SOX5: variants seen among roughly 807,000 people sequenced by gnomAD.
SOX5 encodes SRY-box transcription factor 5, also known as transcription factor SOX-5.
In SOX5, 9 loss-of-function variants were observed where a neutral mutation model predicts 92.0. The observed-to-expected ratio is 0.10, with a 90% confidence interval of 0.06 to 0.17. SOX5 has a LOEUF of 0.17. Among genes scored for constraint, SOX5 ranks in the 10% least tolerant of loss-of-function variants. The pLI, the probability that SOX5 is intolerant of heterozygous loss-of-function variation, is 1.00. For missense variants in SOX5, 642 were observed against 944.5 expected, an observed-to-expected ratio of 0.68 and a Z score of 4.20; for synonymous variants, 344 against 336.3, an observed-to-expected ratio of 1.02 and a Z score of -0.25.
intron 7 of SOX5, among the ~76,000 whole-genome samples, chr12:23,645,978 CAATAGA>C (rs1220513468): frequency 6.6e-6 from 1 of 152,042 alleles, no homozygotes; most frequent in African/African-American, 2.4e-5. Context: ...ATTAAGTGTG[CAATAGA>C]ATTATGTCTA....
intron 4 of SOX5, among the ~76,000 whole-genome samples, chr12:24,005,743 G>C (rs1238204134): frequency 6.6e-6 from 1 of 152,150 alleles, no homozygotes; most frequent in East Asian, 1.9e-4. Context: ...TTGAGTGAAT[G>C]AATGATGTCA....
chr12:24,097,364 TG>T (rs1238787847), intron 4 of SOX5, among the ~76,000 whole-genome samples: 1 of 152,048 alleles, frequency 6.6e-6, no homozygotes, highest in South Asian at 2.1e-4. Flanking sequence ...ATAAACATTT[TG>T]TTTTTTTATA....
chr12:23,850,973 T>A (rs1162052916), intron 2 of SOX5, among the ~76,000 whole-genome samples: 2 of 152,098 alleles, frequency 1.3e-5, no homozygotes, highest in African/African-American at 4.8e-5. Context: ...AACCATGGAT[T>A]CCAGGTTAAG....
rs1052685255 is a variant in SOX5, at chr12:23,529,561, G to A, written c.*4658C>T. ...TTGCATGGCAGTAATACTGAAAAAG[G>A]AGAATGCAAAAAAATAAAATAAAAT... On this transcript the variant is annotated 3_prime_UTR_variant, in exon 15 of 15. Transcript: ENST00000451604. 4.0e-5 allele frequency: 6 copies of A among 151,886 alleles called. No homozygotes were observed. The highest frequency in any genetic ancestry group is 1.4e-4 in the African/African-American group (6 of 41,388). 9.4% of individuals were successfully genotyped at this position (151,886 alleles called of 1,614,324 possible).
intron 4 of SOX5, among the ~76,000 whole-genome samples, chr12:23,969,671 A>G (rs1389713461): frequency 6.6e-6 from 1 of 152,160 alleles, no homozygotes; most frequent in Non-Finnish European, 1.5e-5. Flanking sequence ...TTATGTCCAG[A>G]CTAAGCTAGC....
chr12:23,565,630 G>A (rs1162275005), intron 10 of SOX5, among the ~76,000 whole-genome samples: 1 of 152,180 alleles, frequency 6.6e-6, no homozygotes, highest in African/African-American at 2.4e-5. Flanking sequence ...GGGAGTAACT[G>A]ACAGACCTAT....
At chr12:24,172,389 A>G (rs897518515) in intron 4 of SOX5, among the ~76,000 whole-genome samples, 59 of 152,018 alleles carry the variant, frequency 3.9e-4, no homozygotes, top group African/African-American at 1.4e-3. Flanking sequence ...AACTACAAAA[A>G]TAAGCCGGGC....
intron 3 of SOX5, among the ~76,000 whole-genome samples, chr12:24,248,397 A>G (rs1939320570): frequency 6.6e-6 from 1 of 152,154 alleles, no homozygotes; most frequent in African/African-American, 2.4e-5. Flanking sequence ...AAGAAACAAG[A>G]CGTGTCTTTC....
chr12:23,587,302 C>T (rs1289621577), intron 9 of SOX5, among the ~76,000 whole-genome samples: 1 of 151,828 alleles, frequency 6.6e-6, no homozygotes, highest in Non-Finnish European at 1.5e-5. Context: ...TATCATCAAC[C>T]CCACTTCACA....
chr12:24,207,866 C>A (rs778103415), intron 4 of SOX5, among the ~76,000 whole-genome samples: 3 of 152,126 alleles, frequency 2.0e-5, no homozygotes, highest in Admixed American at 2.0e-4. Context: ...GTGCCATGTT[C>A]CAGAATCTCC....
In SOX5 at chr12:23,530,960, T is replaced by G. The variant is rs539688500; in HGVS notation, c.*3259A>C. On this transcript the variant is annotated 3_prime_UTR_variant, in exon 15 of 15. Coordinates refer to ENST00000451604, the MANE Select transcript of SOX5 (RefSeq NM_006940.6). ...GATCTTACTCTCATTTTCTTTATCT[T>G]TTTTGGTCATTATGGGGCACAGAAA... is the stretch of plus-strand genomic sequence containing the variant. 1.1e-4 allele frequency: 17 copies of G among 152,288 alleles called. No individual in the cohort carries two copies. The East Asian group carries it at 3.3e-3, about 29-fold the overall frequency. The allele number at this position is 152,288 out of a possible 1,614,324, so 9.4% of individuals were successfully genotyped here.
At chr12:24,509,564 A>T (rs1006933741) in intron 1 of SOX5, among the ~76,000 whole-genome samples, 3 of 152,220 alleles carry the variant, frequency 2.0e-5, no homozygotes, top group Non-Finnish European at 2.9e-5. Flanking sequence ...TTGGGGGGGA[A>T]TAAAAAGCAA....
At chr12:23,540,409 C>G (rs910532908) in intron 13 of SOX5, among the ~76,000 whole-genome samples, 2 of 144,686 alleles carry the variant, frequency 1.4e-5, no homozygotes, top group African/African-American at 5.0e-5. Context: ...TAATAAAAAG[C>G]AGAGAAGGAC....
At chr12:23,811,966 T>C (rs1255598192) in intron 3 of SOX5, among the ~76,000 whole-genome samples, 1 of 152,094 alleles carries the variant, frequency 6.6e-6, no homozygotes, top group Non-Finnish European at 1.5e-5. Context: ...TTAAAGTACC[T>C]TAGTTTTGCT....
intron 1 of SOX5, among the ~76,000 whole-genome samples, chr12:24,522,136 T>C (rs148665734): frequency 6.6e-6 from 1 of 151,712 alleles, no homozygotes; most frequent in East Asian, 1.9e-4. Context: ...AAGAAACTAT[T>C]ATGAACAATT....
intron 4 of SOX5, among the ~76,000 whole-genome samples, chr12:24,051,963 TGGCCTGTTCTCC>T (rs1957600724): frequency 6.6e-6 from 1 of 152,228 alleles, no homozygotes; most frequent in African/African-American, 2.4e-5. Flanking sequence ...CCAAGTCCAG[TGGCCTGTTCTCC>T]GGCCTCATCT....
At chr12:24,444,907 A>C (rs1352649716) in intron 1 of SOX5, among the ~76,000 whole-genome samples, 1 of 152,214 alleles carries the variant, frequency 6.6e-6, no homozygotes, top group Non-Finnish European at 1.5e-5. Context: ...CCTAGGGCAC[A>C]ACACAATAAA....
At chr12:24,477,258 C>T (rs980251086) in intron 1 of SOX5, among the ~76,000 whole-genome samples, 1 of 151,760 alleles carries the variant, frequency 6.6e-6, no homozygotes, top group Non-Finnish European at 1.5e-5. Flanking sequence ...CTCAGCCTCT[C>T]GAATAGCTGG....
chr12:24,529,767 C>T (rs1053460933), intron 1 of SOX5, among the ~76,000 whole-genome samples: 5 of 152,120 alleles, frequency 3.3e-5, no homozygotes, highest in African/African-American at 1.2e-4. Flanking sequence ...CGCCTGTAAT[C>T]CCGGCACTTC....
Sources: allele counts gnomAD v4.1 joint callset (sites outside exome capture counted in the v4.1 genomes callset), GRCh38; gene constraint gnomAD v4.1.1; transcripts MANE v1.5; gene names NCBI Gene and HGNC (gene_info 2026-07-23, HGNC 2026-07-21).